KCNQ5: variants seen among roughly 807,000 people sequenced by gnomAD.
KCNQ5 encodes potassium voltage-gated channel subfamily Q member 5, also known as potassium voltage-gated channel subfamily KQT member 5.
Under a neutral mutation model 98.2 loss-of-function variants are expected in KCNQ5, and 30 were observed. The ratio of observed to expected loss-of-function variants is 0.31; its 90% CI spans 0.23 to 0.41. The LOEUF is 0.41. KCNQ5 is among the 10% of genes least tolerant of loss of function. The pLI, the probability that KCNQ5 is intolerant of heterozygous loss-of-function variation, is 1.00. For synonymous variants in KCNQ5, 458 were observed against 449.4 expected, an observed-to-expected ratio of 1.02 and a Z score of -0.24; for missense variants, 835 against 1,182.5, an observed-to-expected ratio of 0.71 and a Z score of 4.31.
intron 1 of KCNQ5, among the ~76,000 whole-genome samples, chr6:72,865,474 G>T (rs996215172): frequency 3.3e-5 from 5 of 152,040 alleles, no homozygotes; most frequent in African/African-American, 7.2e-5. Flanking sequence ...GTCATATAAT[G>T]GTCCTGTCAC....
intron 1 of KCNQ5, among the ~76,000 whole-genome samples, chr6:72,821,182 A>T (rs1775736684): frequency 6.6e-6 from 1 of 152,172 alleles, no homozygotes; most frequent in South Asian, 2.1e-4. Flanking sequence ...GTATTTTATA[A>T]ATGGTGGTAG....
chr6:73,017,363 A>G (rs554040232), intron 2 of KCNQ5, among the ~76,000 whole-genome samples: 10 of 152,092 alleles, frequency 6.6e-5, no homozygotes, highest in African/African-American at 2.4e-4. Flanking sequence ...TCATTTTTTT[A>G]TCTTGGAGAT....
At position 73,024,381 on chromosome 6, in the gene KCNQ5, T is replaced by TGATAGATA. The variant is rs1554198956; in HGVS notation, c.490-17525_490-17518dup. Among the ~76,000 whole-genome samples, 363 of 120,652 alleles carry TGATAGATA rather than the reference T, an allele frequency of 3.0e-3. 8 individuals carry two copies. The highest frequency in any genetic ancestry group is 0.012 in the Middle Eastern group (3 of 258). 79.2% of individuals were successfully genotyped at this position (120,652 alleles called of 152,430 possible). A position where few individuals can be genotyped will look rare whatever the true frequency, so the allele number is the denominator to read the frequency against. On this transcript the variant is annotated intron_variant, in intron 2 of 13. Coordinates refer to ENST00000370398, the MANE Select transcript of KCNQ5 (RefSeq NM_019842.4). ...TGAAAGCGATAGATAGATAGATAGA[T>TGATAGATA]GATAGATAGATAGATAGATAGATAG...
chr6:72,835,193 A>T (rs566079654), intron 1 of KCNQ5, among the ~76,000 whole-genome samples: 1 of 152,164 alleles, frequency 6.6e-6, no homozygotes, highest in Admixed American at 6.5e-5. Context: ...CATAGTGGCT[A>T]TTGCTCGTAT....
At chr6:73,055,799 A>T in intron 3 of KCNQ5, 1 of 845,700 alleles carries the variant, frequency 1.2e-6, no homozygotes, top group South Asian at 1.3e-5. Flanking sequence ...CTAGGGGATG[A>T]AGAGACCATG....
intron 11 of KCNQ5, 55 bp downstream of exon 11, chr6:73,169,909 T>C (rs1303467020): frequency 2.6e-6 from 3 of 1,154,906 alleles, no homozygotes; most frequent in African/African-American, 3.0e-5. Flanking sequence ...ATTAATTGAA[T>C]TACTATGTTG....
At chr6:73,099,130 A>G (rs981913666) in intron 5 of KCNQ5, among the ~76,000 whole-genome samples, 8 of 20,372 alleles carry the variant, frequency 3.9e-4, no homozygotes, top group African/African-American at 4.4e-4. Context: ...ATAGTAACCT[A>G]AAATCAAAAA....
intron 1 of KCNQ5, among the ~76,000 whole-genome samples, chr6:72,811,521 A>T (rs1371498736): frequency 6.6e-6 from 1 of 152,178 alleles, no homozygotes; most frequent in East Asian, 1.9e-4. Context: ...CTACTAAAAA[A>T]GAATGCTATA....
chr6:72,957,560 A>G (rs1030037660), intron 1 of KCNQ5, among the ~76,000 whole-genome samples: 16 of 152,138 alleles, frequency 1.1e-4, no homozygotes, highest in Non-Finnish European at 2.2e-4. Flanking sequence ...GAACATGATC[A>G]TTTTTAAAAT....
chr6:72,748,225 T>G (rs758790520), intron 1 of KCNQ5, among the ~76,000 whole-genome samples: 1 of 152,036 alleles, frequency 6.6e-6, no homozygotes, highest in Non-Finnish European at 1.5e-5. Flanking sequence ...TGTTCTTAAA[T>G]GCAAATACAA....
At chr6:72,627,854 A>C (rs1249091188) in intron 1 of KCNQ5, among the ~76,000 whole-genome samples, 1 of 152,002 alleles carries the variant, frequency 6.6e-6, no homozygotes, top group African/African-American at 2.4e-5. Flanking sequence ...TTAAACTCCT[A>C]ATGTTTCTTC....
chr6:73,053,019 A>G (rs9350482), intron 3 of KCNQ5, among the ~76,000 whole-genome samples: 140,948 of 152,206 alleles, frequency 0.93, 65,837 homozygotes, highest in East Asian at 0.99. Context: ...ATGCAGTGAC[A>G]CACATAGGAT....
chr6:73,105,858 T>C (rs1364670169), intron 6 of KCNQ5, among the ~76,000 whole-genome samples: 1 of 152,206 alleles, frequency 6.6e-6, no homozygotes, highest in Non-Finnish European at 1.5e-5. Context: ...ATTTTTTTAA[T>C]GAGCAGTTTC....
intron 1 of KCNQ5, among the ~76,000 whole-genome samples, chr6:72,845,743 T>G (rs1776992723): frequency 6.6e-6 from 1 of 152,186 alleles, no homozygotes; most frequent in Admixed American, 6.5e-5. Flanking sequence ...ATTAAAGTGG[T>G]GTTTATCTCA....
intron 1 of KCNQ5, among the ~76,000 whole-genome samples, chr6:72,878,373 G>GA (rs1299270360): frequency 2.0e-5 from 3 of 152,210 alleles, no homozygotes; most frequent in Non-Finnish European, 4.4e-5. Context: ...CCTTTGACAG[G>GA]ATTATCATTT....
chr6:73,104,361 A>C (rs1774918122), intron 5 of KCNQ5, among the ~76,000 whole-genome samples: 1 of 152,220 alleles, frequency 6.6e-6, no homozygotes, highest in African/African-American at 2.4e-5. Flanking sequence ...GTAGCTACAA[A>C]AATTAAAATA....
At chr6:73,184,701 C>T (rs1778506712) in intron 11 of KCNQ5, among the ~76,000 whole-genome samples, 1 of 152,218 alleles carries the variant, frequency 6.6e-6, no homozygotes, top group South Asian at 2.1e-4. Context: ...CCATCTACCC[C>T]AGTGAGGGTG....
rs915981831 is a variant in KCNQ5 at position 73,055,242 on chromosome 6, T to C, written c.616+13180T>C. ...GCACGGCGAGATGCTGGCTATGAGT[T>C]TGACATCTGCTTCACCTCATTGCAG... On this transcript the variant is annotated intron_variant, in intron 3 of 13. Transcript: ENST00000370398. The C allele has an allele frequency of 3.9e-6, 5 of 1,271,486 alleles. No homozygotes were observed. The East Asian group carries it at 1.2e-4, about 29-fold the overall frequency. The allele number at this position is 1,271,486 out of a possible 1,614,324, so 78.8% of individuals were successfully genotyped here.
intron 10 of KCNQ5, among the ~76,000 whole-genome samples, chr6:73,160,267 C>T (rs996171089): frequency 6.6e-6 from 1 of 152,130 alleles, no homozygotes; most frequent in Admixed American, 6.5e-5. Flanking sequence ...CCACCCGCCT[C>T]GGGCCCCCAA....
Sources: allele counts gnomAD v4.1 joint callset (sites outside exome capture counted in the v4.1 genomes callset), GRCh38; gene constraint gnomAD v4.1.1; transcripts MANE v1.5; gene names NCBI Gene and HGNC (gene_info 2026-07-23, HGNC 2026-07-21).